Variants in CNTNAP2 observed in about 807,000 individuals in gnomAD.
The protein encoded by CNTNAP2 is contactin associated protein 2.
A neutral mutation model predicts 155.2 loss-of-function variants in CNTNAP2; 98 were observed. The observed-to-expected ratio is 0.63, with a 90% CI of 0.54 to 0.75. The LOEUF is 0.75. CNTNAP2 is among the 30% of genes least tolerant of loss of function. The pLI, the probability that CNTNAP2 is intolerant of heterozygous loss-of-function variation, is 0.00. For synonymous variants in CNTNAP2, 651 were observed against 631.2 expected (o/e 1.03, Z -0.47); for missense variants, 1,727 against 1,688.1 (o/e 1.02, Z -0.40).
intron 4 of CNTNAP2, among the ~76,000 whole-genome samples, chr7:147,073,116 CCTTTT>C (rs1799929439): frequency 2.5e-5 from 2 of 80,934 alleles, no homozygotes; most frequent in South Asian, 6.7e-4. Flanking sequence ...CCTCCCAAAG[CCTTTT>C]CTTTTTTTTT....
At chr7:146,596,370 G>C (rs1228241204) in intron 1 of CNTNAP2, among the ~76,000 whole-genome samples, 1 of 151,840 alleles carries the variant, frequency 6.6e-6, no homozygotes, top group Non-Finnish European at 1.5e-5. Flanking sequence ...TGAAAAGGCT[G>C]TGTAATAATG....
intron 1 of CNTNAP2, among the ~76,000 whole-genome samples, chr7:146,657,482 C>T (rs1332486881): frequency 6.6e-6 from 1 of 152,150 alleles, no homozygotes; most frequent in Non-Finnish European, 1.5e-5. Context: ...CTTCAAAAAA[C>T]AAGTTTTCTG....
At chr7:147,710,795 G>A (rs1015805043) in intron 13 of CNTNAP2, among the ~76,000 whole-genome samples, 12 of 152,074 alleles carry the variant, frequency 7.9e-5, no homozygotes, top group African/African-American at 2.9e-4. Context: ...TATAAGAACT[G>A]GTATGCTAAA....
At chr7:147,099,488 A>G (rs1434166980) in intron 4 of CNTNAP2, among the ~76,000 whole-genome samples, 3 of 152,278 alleles carry the variant, frequency 2.0e-5, no homozygotes, top group African/African-American at 7.2e-5. Context: ...CACCCTCCAC[A>G]GCTACCAGCC....
chr7:148,188,953 T>C (rs900393469), intron 18 of CNTNAP2, among the ~76,000 whole-genome samples: 1 of 152,162 alleles, frequency 6.6e-6, no homozygotes, highest in African/African-American at 2.4e-5. Context: ...TTGTTTCCAA[T>C]TTTTTTATTG....
At chr7:146,964,977 C>G (rs990430319) in intron 3 of CNTNAP2, among the ~76,000 whole-genome samples, 2 of 151,772 alleles carry the variant, frequency 1.3e-5, no homozygotes, top group African/African-American at 4.8e-5. Flanking sequence ...CAAAACAAAA[C>G]AAAACAAAAA....
chr7:146,402,812 G>T (rs1319720319), intron 1 of CNTNAP2, among the ~76,000 whole-genome samples: 3 of 152,072 alleles, frequency 2.0e-5, no homozygotes, highest in African/African-American at 7.2e-5. Flanking sequence ...AAATTTCAGT[G>T]AAGTTTTTAT....
At chr7:148,210,767 C>A (rs556877650) in intron 18 of CNTNAP2, among the ~76,000 whole-genome samples, 1 of 152,152 alleles carries the variant, frequency 6.6e-6, no homozygotes, top group African/African-American at 2.4e-5. Flanking sequence ...CAGAGGTGAA[C>A]GTTAACCCAT....
chr7:147,347,463 T>TATATATATGCATATATATATATATGC (rs1554472703), intron 9 of CNTNAP2, among the ~76,000 whole-genome samples: 1 of 67,870 alleles, frequency 1.5e-5, no homozygotes, highest in African/African-American at 3.4e-5. Context: ...TATGCATATA[T>TATATATATGCATATATATATATATGC]ATATATATAT....
At chr7:146,808,653 G>C (rs773741610) in intron 2 of CNTNAP2, among the ~76,000 whole-genome samples, 2 of 152,130 alleles carry the variant, frequency 1.3e-5, no homozygotes, top group East Asian at 1.9e-4. Flanking sequence ...CTGTACATTA[G>C]ATTCAGACTT....
rs1284287044 is a variant in CNTNAP2, at chr7:148,416,543, T to C, written c.*927T>C. On this transcript the variant is annotated 3_prime_UTR_variant, in exon 24 of 24. Coordinates refer to ENST00000361727, the MANE Select transcript of CNTNAP2 (RefSeq NM_014141.6). Reference sequence around the variant, plus strand: ...CTCTTTTTCTTTTATAGTTTAGTTATAGCAAAAATATGGATAATTTCTAGT... The same window carrying C: ...CTCTTTTTCTTTTATAGTTTAGTTACAGCAAAAATATGGATAATTTCTAGT... 2.0e-5 allele frequency: 3 copies of C among 149,560 alleles called. No individual in the cohort carries two copies. Among genetic ancestry groups the C allele is most frequent in the South Asian group, 2.1e-4 (1 of 4,684 alleles). The allele number at this position is 149,560 out of a possible 1,614,324, so 9.3% of individuals were successfully genotyped here.
chr7:147,087,762 A>G lies in CNTNAP2; in HGVS notation c.551-20385A>G, dbSNP rs114754859. ...GAGGCCAAGGTAGGTGGATCATATGAGGTCAGAGTTTGAAACCAGCCTGGA... is the reference window on the plus strand; with the variant it reads ...GAGGCCAAGGTAGGTGGATCATATGGGGTCAGAGTTTGAAACCAGCCTGGA... On this transcript the variant is annotated intron_variant, in intron 4 of 23. Transcript: ENST00000361727. 4.8e-3 allele frequency among the ~76,000 whole-genome samples: 727 copies of G among 152,252 alleles called. 7 individuals carry two copies. Among genetic ancestry groups the G allele is most frequent in the African/African-American group, 0.016 (652 of 41,558 alleles).
intron 12 of CNTNAP2, among the ~76,000 whole-genome samples, chr7:147,628,144 T>TGA (rs1563028721): frequency 2.0e-5 from 3 of 152,118 alleles, no homozygotes; most frequent in African/African-American, 7.2e-5. Context: ...ACCTGGGAAA[T>TGA]TCATTCCAAA....
At chr7:147,910,472 C>T (rs1012174177) in intron 14 of CNTNAP2, among the ~76,000 whole-genome samples, 1 of 152,150 alleles carries the variant, frequency 6.6e-6, no homozygotes, top group Non-Finnish European at 1.5e-5. Context: ...GATTCAAACT[C>T]GGGGCAAGCA....
chr7:146,547,463 A>C lies in CNTNAP2; in HGVS notation c.98-226808A>C, dbSNP rs1432011103. Among the ~76,000 whole-genome samples the C allele has an allele frequency of 2.6e-5, 4 of 151,968 alleles. No individual in the cohort carries two copies. In the East Asian group the frequency reaches 7.8e-4, roughly 30 times the overall value. The stretch of plus-strand genomic sequence containing the variant: ...ACCTCCCTGATTTTGCACAACTGAA[A>C]TTTCATGCCTGTTTATTTATAACTT... On this transcript the variant is annotated intron_variant, in intron 1 of 23. Transcript: ENST00000361727.
chr7:147,199,261 C>T (rs1163565872), intron 8 of CNTNAP2, among the ~76,000 whole-genome samples: 2 of 151,996 alleles, frequency 1.3e-5, no homozygotes, highest in Non-Finnish European at 2.9e-5. Flanking sequence ...CGCGCCCGGC[C>T]CTAATCAAGA....
chr7:148,348,052 AAGTT>A (rs1798358736), intron 21 of CNTNAP2, among the ~76,000 whole-genome samples: 1 of 152,004 alleles, frequency 6.6e-6, no homozygotes, highest in African/African-American at 2.4e-5. Context: ...TTTTATCTGA[AAGTT>A]TGTTTGTTTT....
intron 5 of CNTNAP2, among the ~76,000 whole-genome samples, chr7:147,115,666 A>G (rs1244513547): frequency 6.6e-6 from 1 of 152,086 alleles, no homozygotes; most frequent in East Asian, 1.9e-4. Context: ...TAACATGTCA[A>G]TTATATTCCT....
intron 15 of CNTNAP2, among the ~76,000 whole-genome samples, chr7:148,059,790 G>T (rs1262014957): frequency 1.3e-5 from 2 of 149,332 alleles, no homozygotes; most frequent in African/African-American, 4.9e-5. Flanking sequence ...TAGTAAGGAG[G>T]GGAATACATA....
Sources: allele counts gnomAD v4.1 joint callset (sites outside exome capture counted in the v4.1 genomes callset), GRCh38; gene constraint gnomAD v4.1.1; transcripts MANE v1.5; gene names NCBI Gene and HGNC (gene_info 2026-07-23, HGNC 2026-07-21).